The following CNTN6 variants were observed in gnomAD, a reference collection of about 807,000 sequenced individuals.
The protein encoded by CNTN6 is contactin-6.
CNTN6 carries 137 observed loss-of-function variants against 122.8 expected under a neutral mutation model. That is an observed-to-expected ratio of 1.12 (90% CI 0.97 to 1.29). The LOEUF (loss-of-function observed/expected upper bound fraction) is 1.29. Among genes scored for constraint, CNTN6 ranks in the 50% most tolerant of loss-of-function variants. The pLI, the probability that CNTN6 is intolerant of heterozygous loss-of-function variation, is 0.00. For synonymous variants in CNTN6, 570 were observed against 426.0 expected, an observed-to-expected ratio of 1.34 and a Z score of -4.16; for missense variants, 1,634 against 1,223.4, an observed-to-expected ratio of 1.34 and a Z score of -5.01.
At position 1,244,022 on chromosome 3, in the gene CNTN6, C is replaced by A. The variant is rs377470649; in HGVS notation, c.358+16029C>A. 1.7e-4 allele frequency among the ~76,000 whole-genome samples: 26 copies of A among 152,236 alleles called. No individual in the cohort carries two copies. The East Asian group carries it at 5.0e-3, about 29-fold the overall frequency. ...ATGCCTGGACGTAAGGCACCTCAGA[C>A]CATTTGCCCATTTTTCGACAAAAAT... On this transcript the variant is annotated intron_variant, in intron 4 of 22. Coordinates refer to ENST00000446702, the MANE Select transcript of CNTN6 (RefSeq NM_001289080.2).
Position 1,372,375 on chromosome 3 carries a change from G to C in CNTN6, c.1569G>C (p.Val523=), listed in dbSNP as rs373749402. Residue 523 remains valine, a synonymous_variant, in exon 13 of 23, where the codon GTG becomes GTC. Transcript: ENST00000446702. ...VGESIVLPCQ[V]SHDPSIEVVF... ...AGAGTATAGTGCTACCATGCCAGGT[G>C]TCCCATGACCCCTCCATTGAAGTGG... The C allele has an allele frequency of 2.4e-4, 383 of 1,613,330 alleles. 1 individual carries two copies. The highest frequency in any genetic ancestry group is 3.1e-4 in the Non-Finnish European group (369 of 1,179,612).
intron 20 of CNTN6, 38 bp from the exon 21 acceptor site, chr3:1,401,395 A>G: frequency 6.5e-7 from 1 of 1,530,090 alleles, no homozygotes. Context: ...CCATGAGCTA[A>G]TTAACATTCA....
At chr3:1,194,010 C>T (rs2125398175) in intron 2 of CNTN6, among the ~76,000 whole-genome samples, 1 of 152,152 alleles carries the variant, frequency 6.6e-6, no homozygotes, top group East Asian at 1.9e-4. Flanking sequence ...CTTATGCAGG[C>T]CCTATGCTAA....
intron 15 of CNTN6, 49 bp from the exon 16 acceptor site, chr3:1,373,875 G>C: frequency 6.6e-7 from 1 of 1,524,546 alleles, no homozygotes; most frequent in Non-Finnish European, 8.8e-7. Context: ...ACAATTATTT[G>C]TTTTTGAGTA....
At chr3:1,362,002 G>A (rs968908450) in intron 12 of CNTN6, among the ~76,000 whole-genome samples, 3 of 152,072 alleles carry the variant, frequency 2.0e-5, no homozygotes, top group African/African-American at 7.2e-5. Flanking sequence ...CACAAATAGA[G>A]GTTCAGAATA....
intron 2 of CNTN6, among the ~76,000 whole-genome samples, chr3:1,219,338 A>C (rs1459814272): frequency 6.6e-6 from 1 of 152,206 alleles, no homozygotes; most frequent in Non-Finnish European, 1.5e-5. Flanking sequence ...CCTGAATCGA[A>C]TTGTAATGAA....
At chr3:1,172,645 T>C (rs2093379133) in intron 2 of CNTN6, among the ~76,000 whole-genome samples, 5 of 152,006 alleles carry the variant, frequency 3.3e-5, no homozygotes, top group Admixed American at 3.3e-4. Flanking sequence ...TGTGTGTGTG[T>C]GTGTGTGTGT....
chr3:1,283,608 A>G (rs971986126), intron 5 of CNTN6, among the ~76,000 whole-genome samples: 4 of 152,204 alleles, frequency 2.6e-5, no homozygotes, highest in African/African-American at 7.2e-5. Flanking sequence ...TGAAGCAACG[A>G]TACATGTTAT....
At chr3:1,122,056 TA>T (rs1288518055) in intron 1 of CNTN6, among the ~76,000 whole-genome samples, 1 of 151,962 alleles carries the variant, frequency 6.6e-6, no homozygotes, top group Non-Finnish European at 1.5e-5. Flanking sequence ...CTGCCTCATA[TA>T]TTTTTCATGA....
In CNTN6 at chr3:1,329,915, G is replaced by A. The variant is rs1702060207; in HGVS notation, c.1344G>A (p.Glu448=). The change falls in exon 11 of 23, where the codon GAG becomes GAA. Residue 448 remains glutamate, a synonymous_variant. Coordinates refer to ENST00000446702, the MANE Select transcript of CNTN6 (RefSeq NM_001289080.2). The part of the protein sequence containing the change: ...RAAISWKRGT[E]TLRQSKRIFL... Reference sequence around the variant, plus strand: ...CTATCTCTTGGAAAAGAGGAACGGAGACCCTTAGACAAAGCAAAAGGTAAA... The same window carrying A: ...CTATCTCTTGGAAAAGAGGAACGGAAACCCTTAGACAAAGCAAAAGGTAAA... 6 of 1,572,588 alleles carry A rather than the reference G, an allele frequency of 3.8e-6. No homozygotes were observed. The highest frequency in any genetic ancestry group is 5.2e-6 in the Non-Finnish European group (6 of 1,164,244).
At chr3:1,357,348 C>A (rs112965401) in intron 12 of CNTN6, among the ~76,000 whole-genome samples, 1 of 151,784 alleles carries the variant, frequency 6.6e-6, no homozygotes, top group South Asian at 2.1e-4. Flanking sequence ...TACTAACTAA[C>A]GTGGAACTTG....
At chr3:1,294,552 G>A (rs890107086) in intron 5 of CNTN6, among the ~76,000 whole-genome samples, 6 of 152,138 alleles carry the variant, frequency 3.9e-5, no homozygotes, top group Non-Finnish European at 5.9e-5. Context: ...CACAAGTTCT[G>A]TGCATTTTAA....
intron 1 of CNTN6, among the ~76,000 whole-genome samples, chr3:1,141,859 T>A (rs1326447628): frequency 6.6e-6 from 1 of 152,176 alleles, no homozygotes; most frequent in African/African-American, 2.4e-5. Context: ...CATGAGCACC[T>A]TTCAGAAGCT....
rs1701276491 is a variant in CNTN6 at position 1,324,531 on chromosome 3, G to C, written c.947-1284G>C. 1.3e-5 allele frequency among the ~76,000 whole-genome samples: 2 copies of C among 149,508 alleles called. 1 individual carries two copies. Among genetic ancestry groups the C allele is most frequent in the African/African-American group, 5.1e-5 (2 of 39,244 alleles). On this transcript the variant is annotated intron_variant, in intron 8 of 22. Coordinates refer to ENST00000446702, the MANE Select transcript of CNTN6 (RefSeq NM_001289080.2). ...TCAGCATTTAAGCATGCCCAGTTTG[G>C]ATGTGCCAGTAGTTTACACCTGCAC...
intron 6 of CNTN6, 81 bp from the exon 7 acceptor site, chr3:1,297,808 A>T: frequency 2.0e-6 from 2 of 1,010,092 alleles, no homozygotes; most frequent in East Asian, 2.4e-5. Context: ...AGAAATAATC[A>T]GGTTTTGGTT....
intron 2 of CNTN6, among the ~76,000 whole-genome samples, chr3:1,211,529 T>C (rs919521374): frequency 3.9e-5 from 6 of 152,140 alleles, no homozygotes; most frequent in Non-Finnish European, 7.4e-5. Flanking sequence ...ATACAATTAG[T>C]GGTTCATGTA....
At chr3:1,191,532 G>T (rs1159216926) in intron 2 of CNTN6, among the ~76,000 whole-genome samples, 1 of 152,116 alleles carries the variant, frequency 6.6e-6, no homozygotes, top group South Asian at 2.1e-4. Flanking sequence ...GACCCTTCTG[G>T]ATCTCTCCCT....
At chr3:1,311,430 T>TAAAATGTCTTTATATATACATAC (rs1699271026) in intron 7 of CNTN6, among the ~76,000 whole-genome samples, 2 of 61,598 alleles carry the variant, frequency 3.2e-5, no homozygotes, top group African/African-American at 1.9e-4. Context: ...TATGTACATA[T>TAAAATGTCTTTATATATACATAC]ATGTACATAT....
Position 1,321,848 on chromosome 3 carries a change from A to G in CNTN6, c.946+14A>G. On this transcript the variant is annotated intron_variant, in intron 8 of 22. Coordinates refer to ENST00000446702, the MANE Select transcript of CNTN6 (RefSeq NM_001289080.2). ...TCATTTTTTATGGTGAGCTAATTGGATTTCAAATATATATAAAATATTTGG... is the reference window on the plus strand; with the variant it reads ...TCATTTTTTATGGTGAGCTAATTGGGTTTCAAATATATATAAAATATTTGG... The G allele has an allele frequency of 6.3e-7, 1 of 1,581,170 alleles. No homozygotes were observed. The highest frequency in any genetic ancestry group is 8.6e-7 in the Non-Finnish European group (1 of 1,163,300).
Sources: allele counts gnomAD v4.1 joint callset (sites outside exome capture counted in the v4.1 genomes callset), GRCh38; gene constraint gnomAD v4.1.1; transcripts MANE v1.5; gene names NCBI Gene and HGNC (gene_info 2026-07-23, HGNC 2026-07-21).